TCEA1: variants seen among roughly 807,000 people sequenced by gnomAD.
TCEA1 encodes transcription elongation factor A1.
A neutral mutation model predicts 43.8 loss-of-function variants in TCEA1; 21 were observed. The observed-to-expected ratio is 0.48, with a 90% CI of 0.34 to 0.69. The LOEUF (loss-of-function observed/expected upper bound fraction) is 0.69. Ranked by LOEUF, TCEA1 falls within the 30% of genes least tolerant of loss-of-function variation. The pLI is 0.01. For missense variants in TCEA1, 250 were observed against 365.1 expected (o/e 0.68, Z 2.57); for synonymous variants, 104 against 117.5 (o/e 0.88, Z 0.75).
chr8:53,999,895 T>C lies in TCEA1; in HGVS notation c.232+50A>G, dbSNP rs569074651. The C allele has an allele frequency of 5.6e-5, 69 of 1,238,432 alleles. No homozygotes were observed. In the African/African-American group the frequency reaches 9.1e-4, roughly 16 times the overall value. 76.7% of individuals were successfully genotyped at this position (1,238,432 alleles called of 1,614,324 possible). ...ACCATAAAATGTAACCATTAACTAT[T>C]TGAATAAATCACAACATCATAAATA... On this transcript the variant is annotated intron_variant, in intron 3 of 9. Transcript: ENST00000521604.
chr8:53,969,247 G>A (rs529489199), intron 9 of TCEA1, among the ~76,000 whole-genome samples: 3 of 152,212 alleles, frequency 2.0e-5, no homozygotes, highest in South Asian at 4.2e-4. Flanking sequence ...CTGAGATAGC[G>A]CCACTGCACT....
At chr8:53,979,233 T>G (rs1372782329) in intron 7 of TCEA1, 62 bp from the exon 8 acceptor site, 5 of 1,448,378 alleles carry the variant, frequency 3.5e-6, no homozygotes, top group Non-Finnish European at 4.6e-6. Context: ...CCTGAATGCT[T>G]TTATGCTCAA....
At chr8:54,002,494 G>T (rs1199124556) in intron 2 of TCEA1, among the ~76,000 whole-genome samples, 1 of 150,510 alleles carries the variant, frequency 6.6e-6, no homozygotes, top group African/African-American at 2.4e-5. Context: ...AAAAAGAAAT[G>T]AAGCTGCTGA....
At chr8:54,004,404 CAT>C (rs1804372677) in intron 2 of TCEA1, among the ~76,000 whole-genome samples, 1 of 152,180 alleles carries the variant, frequency 6.6e-6, no homozygotes, top group South Asian at 2.1e-4. Context: ...GGATAAACAA[CAT>C]GTGAAATATC....
chr8:53,996,340 T>G (rs1804051313), intron 3 of TCEA1, among the ~76,000 whole-genome samples: 1 of 152,252 alleles, frequency 6.6e-6, no homozygotes, highest in Non-Finnish European at 1.5e-5. Context: ...GCTTGGCTAT[T>G]CACCACTGAT....
Position 53,987,043 on chromosome 8 carries a change from G to A in TCEA1, c.467-18C>T. 6.3e-7 allele frequency: 1 copy of A among 1,575,562 alleles called. No homozygotes were observed. Among genetic ancestry groups the A allele is most frequent in the Non-Finnish European group, 8.6e-7 (1 of 1,161,630 alleles). ...GTAGTCATCTAAAAATAGGCATAAA[G>A]AATTGTCAAATTATTGTAACAGATT... On this transcript the variant is annotated intron_variant, in intron 5 of 9. Coordinates refer to ENST00000521604, the MANE Select transcript of TCEA1 (RefSeq NM_006756.4).
chr8:54,022,160 G>A lies in TCEA1; in HGVS notation c.-35C>T, dbSNP rs574717191. ...AGGTCTTCTCCGCGCCCACCCCGCT[G>A]GCAAGGGGAAGTGGGCGAAGCTGGA... On this transcript the variant is annotated 5_prime_UTR_variant, in exon 1 of 10. Coordinates refer to ENST00000521604, the MANE Select transcript of TCEA1 (RefSeq NM_006756.4). 42 of 1,598,922 alleles carry A rather than the reference G, an allele frequency of 2.6e-5. No homozygotes were observed. In the African/African-American group the frequency reaches 5.3e-4, roughly 20 times the overall value.
intron 1 of TCEA1, among the ~76,000 whole-genome samples, chr8:54,017,761 A>G (rs1476972545): frequency 6.6e-6 from 1 of 152,178 alleles, no homozygotes; most frequent in African/African-American, 2.4e-5. Context: ...TCTCTACTAA[A>G]AATACAAAAT....
chr8:53,970,878 T>C (rs1175672628), intron 8 of TCEA1, among the ~76,000 whole-genome samples: 1 of 152,208 alleles, frequency 6.6e-6, no homozygotes, highest in Non-Finnish European at 1.5e-5. Context: ...ATGTAAAAAT[T>C]GAGAATATCT....
intron 2 of TCEA1, among the ~76,000 whole-genome samples, chr8:54,000,762 T>TTTTC (rs1383966312): frequency 6.6e-6 from 1 of 150,958 alleles, no homozygotes; most frequent in African/African-American, 2.5e-5. Context: ...GCTGGGATTT[T>TTTTC]TTTTTTTTTT....
intron 6 of TCEA1, among the ~76,000 whole-genome samples, chr8:53,985,107 G>A (rs535120733): frequency 2.8e-4 from 43 of 152,062 alleles, no homozygotes; most frequent in African/African-American, 1.0e-3. Context: ...TCCACCTCCC[G>A]GGTTCAAGCA....
chr8:53,974,717 TG>T (rs1209040098), intron 8 of TCEA1, among the ~76,000 whole-genome samples: 1 of 151,928 alleles, frequency 6.6e-6, no homozygotes, highest in Admixed American at 6.6e-5. Context: ...TTAGTAGAGA[TG>T]GGGGTTTCAC....
rs1344625521 is a variant in TCEA1, at chr8:54,017,753, T to C, written c.63+4310A>G. On this transcript the variant is annotated intron_variant, in intron 1 of 9. Coordinates refer to ENST00000521604, the MANE Select transcript of TCEA1 (RefSeq NM_006756.4). ...CTGAGAAAAATGGTAAAATCCCATCTCTACTAAAAATACAAAATTAGTTGG... is the reference window on the plus strand; with the variant it reads ...CTGAGAAAAATGGTAAAATCCCATCCCTACTAAAAATACAAAATTAGTTGG... Among the ~76,000 whole-genome samples, 2 of 152,202 alleles carry C rather than the reference T, an allele frequency of 1.3e-5. 1 individual carries two copies. The highest frequency in any genetic ancestry group is 2.9e-5 in the Non-Finnish European group (2 of 68,038).
intron 1 of TCEA1, among the ~76,000 whole-genome samples, chr8:54,013,338 A>G (rs995632270): frequency 6.6e-6 from 1 of 152,168 alleles, no homozygotes; most frequent in Non-Finnish European, 1.5e-5. Context: ...GTTCCAACTA[A>G]TTCAAATAAA....
chr8:54,007,194 GGT>G (rs1478312401), intron 2 of TCEA1, among the ~76,000 whole-genome samples: 17 of 151,940 alleles, frequency 1.1e-4, no homozygotes, highest in Non-Finnish European at 2.2e-4. Context: ...CTAGCAGTCT[GGT>G]GAAGCTTATG....
intron 3 of TCEA1, among the ~76,000 whole-genome samples, chr8:53,996,371 T>C (rs981269482): frequency 2.0e-5 from 3 of 152,248 alleles, no homozygotes; most frequent in African/African-American, 7.2e-5. Flanking sequence ...GCAAGGTATT[T>C]AACCGCTCAG....
At chr8:53,983,226 TTAG>T (rs1339136661) in intron 7 of TCEA1, among the ~76,000 whole-genome samples, 8 of 152,240 alleles carry the variant, frequency 5.3e-5, no homozygotes, top group African/African-American at 1.7e-4. Flanking sequence ...TATTGTACAT[TTAG>T]TAGATTATAG....
At chr8:54,002,640 C>T (rs1428338895) in intron 2 of TCEA1, among the ~76,000 whole-genome samples, 1 of 150,608 alleles carries the variant, frequency 6.6e-6, no homozygotes, top group Non-Finnish European at 1.5e-5. Flanking sequence ...CTGAAGTTGA[C>T]TCTATGAATT....
intron 2 of TCEA1, among the ~76,000 whole-genome samples, chr8:54,003,349 T>C (rs1487763210): frequency 6.6e-6 from 1 of 152,112 alleles, no homozygotes; most frequent in Non-Finnish European, 1.5e-5. Context: ...GCCTTTAGTG[T>C]AGAAATTGAC....
Sources: gnomAD v4.1 joint callset for allele counts (sites outside exome capture counted in the v4.1 genomes callset) on GRCh38, gnomAD v4.1.1 for gene constraint, MANE v1.5 for transcripts, NCBI Gene and HGNC (gene_info 2026-07-23, HGNC 2026-07-21) for gene names.